TIAM1: variants seen among roughly 807,000 people sequenced by gnomAD.
TIAM1 encodes the protein TIAM Rac1 associated GEF 1.
Under a neutral mutation model 163.5 loss-of-function variants are expected in TIAM1, and 65 were observed. The ratio of observed to expected loss-of-function variants is 0.40; its 90% CI spans 0.33 to 0.49. The LOEUF (loss-of-function observed/expected upper bound fraction) is 0.49. Ranked by LOEUF, TIAM1 falls within the 20% of genes least tolerant of loss-of-function variation. The probability of loss-of-function intolerance (pLI) is 0.77; values close to 1 mark genes in which losing one functional copy is unlikely to be tolerated. For synonymous variants in TIAM1, 833 were observed against 810.1 expected, an observed-to-expected ratio of 1.03 and a Z score of -0.48; for missense variants, 1,789 against 2,044.7, an observed-to-expected ratio of 0.87 and a Z score of 2.41.
intron 1 of TIAM1, among the ~76,000 whole-genome samples, chr21:31,513,615 A>AAT (rs1160879004): frequency 6.6e-6 from 1 of 152,214 alleles, no homozygotes; most frequent in Non-Finnish European, 1.5e-5. Context: ...ACCTATATTG[A>AAT]AAGAGCTAAC....
intron 1 of TIAM1, among the ~76,000 whole-genome samples, chr21:31,343,873 C>G (rs1431193691): frequency 2.6e-5 from 4 of 152,200 alleles, no homozygotes; most frequent in Non-Finnish European, 5.9e-5. Flanking sequence ...GCCCGAATCT[C>G]TTTACCCTGG....
At chr21:31,201,795 G>A (rs2086216330) in intron 12 of TIAM1, among the ~76,000 whole-genome samples, 1 of 152,144 alleles carries the variant, frequency 6.6e-6, no homozygotes, top group Non-Finnish European at 1.5e-5. Context: ...TAAGAACAGA[G>A]AGAGCACAGG....
chr21:31,189,611 T>C (rs1029134618), intron 13 of TIAM1, among the ~76,000 whole-genome samples: 1 of 152,254 alleles, frequency 6.6e-6, no homozygotes, highest in East Asian at 1.9e-4. Flanking sequence ...CAAAAGTGAA[T>C]AGCACATTAG....
At chr21:31,513,764 T>A (rs1009680085) in intron 1 of TIAM1, among the ~76,000 whole-genome samples, 1 of 152,206 alleles carries the variant, frequency 6.6e-6, no homozygotes, top group African/African-American at 2.4e-5. Flanking sequence ...TTCCAGCACT[T>A]TGGGAAGCCG....
intron 10 of TIAM1, 83 bp from the exon 11 acceptor site, chr21:31,210,298 C>A: frequency 6.9e-7 from 1 of 1,447,494 alleles, no homozygotes; most frequent in South Asian, 1.3e-5. Context: ...CAGGAATCAC[C>A]GATTCCCATG....
intron 25 of TIAM1, 50 bp from the exon 26 acceptor site, chr21:31,127,202 A>G: frequency 6.4e-7 from 1 of 1,570,332 alleles, no homozygotes; most frequent in Non-Finnish European, 8.8e-7. Flanking sequence ...AAGTGGATTT[A>G]TTTACATGTT....
chr21:31,182,090 C>T (rs754190737), intron 15 of TIAM1, among the ~76,000 whole-genome samples: 45 of 151,994 alleles, frequency 3.0e-4, no homozygotes, highest in Non-Finnish European at 4.7e-4. Context: ...GCCCAATTCC[C>T]AACACTTCTG....
chr21:31,272,479 T>TAA lies in TIAM1; in HGVS notation c.-12+4251_-12+4252dup, dbSNP rs36107845. ...ATTTATTAGGCTACTAAGCCTTTTG[T>TAA]AAAAAAAAAAAAAAAAGATATAGAA... On this transcript the variant is annotated intron_variant, in intron 3 of 27. Coordinates refer to ENST00000541036, the MANE Select transcript of TIAM1 (RefSeq NM_001353694.2). 3.4e-3 allele frequency among the ~76,000 whole-genome samples: 447 copies of TAA among 133,138 alleles called. 3 individuals carry two copies. Among genetic ancestry groups the TAA allele is most frequent in the African/African-American group, 0.011 (406 of 36,552 alleles). 87.3% of individuals were successfully genotyped at this position (133,138 alleles called of 152,430 possible). A position where few individuals can be genotyped will look rare whatever the true frequency, so the allele number is the denominator to read the frequency against.
chr21:31,332,600 A>C (rs1363167568), intron 2 of TIAM1, among the ~76,000 whole-genome samples: 1 of 152,142 alleles, frequency 6.6e-6, no homozygotes, highest in East Asian at 1.9e-4. Flanking sequence ...CTCACTCAAA[A>C]AAACTTTTTT....
chr21:31,282,200 T>C (rs1359891889), intron 2 of TIAM1, among the ~76,000 whole-genome samples: 2 of 152,220 alleles, frequency 1.3e-5, no homozygotes, highest in Non-Finnish European at 2.9e-5. Flanking sequence ...TGGTTCTTGG[T>C]ACTCGGATCA....
intron 2 of TIAM1, among the ~76,000 whole-genome samples, chr21:31,421,247 G>C (rs2043559268): frequency 6.6e-6 from 1 of 152,164 alleles, no homozygotes; most frequent in Non-Finnish European, 1.5e-5. Context: ...AGAAGGCCAA[G>C]TGAAGAGGGA....
intron 5 of TIAM1, among the ~76,000 whole-genome samples, chr21:31,250,151 GAA>G (rs755928120): frequency 9.2e-4 from 54 of 58,864 alleles, no homozygotes; most frequent in Non-Finnish European, 1.6e-3. Context: ...GTCTCAAACA[GAA>G]AAAAAAAAAA....
At chr21:31,449,787 T>C (rs987774010) in intron 2 of TIAM1, among the ~76,000 whole-genome samples, 3 of 152,228 alleles carry the variant, frequency 2.0e-5, no homozygotes, top group African/African-American at 7.2e-5. Flanking sequence ...CTTTTCTTTC[T>C]ATCCAGGGTA....
chr21:31,539,029 C>A (rs1370716273), intron 1 of TIAM1, among the ~76,000 whole-genome samples: 1 of 152,108 alleles, frequency 6.6e-6, no homozygotes, highest in Non-Finnish European at 1.5e-5. Flanking sequence ...ACAGCTGGTG[C>A]GAAAGGGAGG....
rs71193103 is a variant in TIAM1 at position 31,353,835 on chromosome 21, C to CTTTTTTTTTTTTTTTTTTTTTTTTTTT, written c.-368-14414_-368-14413insAAAAAAAAAAAAAAAAAAAAAAAAAAA. ...TGTTTTTATTTATTTATTTATTTAT[C>CTTTTTTTTTTTTTTTTTTTTTTTTTTT]TTTTTTTTTTTTTTTTTTTTTGAGA... is the stretch of plus-strand genomic sequence containing the variant. On this transcript the variant is annotated intron_variant, in intron 2 of 28. Coordinates refer to the TIAM1 transcript ENST00000286827. Among the ~76,000 whole-genome samples, 4 of 71,234 alleles carry CTTTTTTTTTTTTTTTTTTTTTTTTTTT rather than the reference C, an allele frequency of 5.6e-5. 2 individuals are homozygous for CTTTTTTTTTTTTTTTTTTTTTTTTTTT. Among genetic ancestry groups the CTTTTTTTTTTTTTTTTTTTTTTTTTTT allele is most frequent in the Admixed American group, 5.1e-4 (2 of 3,906 alleles). 46.7% of individuals were successfully genotyped at this position (71,234 alleles called of 152,430 possible).
At chr21:31,300,703 C>T (rs1253040123) in intron 2 of TIAM1, among the ~76,000 whole-genome samples, 2 of 152,104 alleles carry the variant, frequency 1.3e-5, no homozygotes, top group South Asian at 2.1e-4. Context: ...ATCTTCTAAA[C>T]GTAAGTAACT....
At chr21:31,353,835 CTT>C (rs71193103) in intron 2 of TIAM1, among the ~76,000 whole-genome samples, 38 of 71,248 alleles carry the variant, frequency 5.3e-4, no homozygotes, top group South Asian at 2.7e-3. Context: ...ATTTATTTAT[CTT>C]TTTTTTTTTT....
chr21:31,317,922 A>T (rs1175625443), intron 2 of TIAM1, among the ~76,000 whole-genome samples: 2 of 152,230 alleles, frequency 1.3e-5, no homozygotes, highest in African/African-American at 4.8e-5. Flanking sequence ...AGGCAGCCCC[A>T]ACACAGCAGA....
chr21:31,156,583 A>C (rs2146335252), intron 16 of TIAM1, among the ~76,000 whole-genome samples: 1 of 152,374 alleles, frequency 6.6e-6, no homozygotes, highest in Admixed American at 6.5e-5. Context: ...TCATCATTAA[A>C]TATACAGTCA....
Sources: allele counts gnomAD v4.1 joint callset (sites outside exome capture counted in the v4.1 genomes callset), GRCh38; gene constraint gnomAD v4.1.1; transcripts MANE v1.5; gene names NCBI Gene and HGNC (gene_info 2026-07-23, HGNC 2026-07-21).